The following CASK variants were observed in gnomAD, a reference collection of about 807,000 sequenced individuals.
The protein encoded by CASK is calcium/calmodulin dependent serine protein kinase.
In CASK, 4 loss-of-function variants were observed where a neutral mutation model predicts 82.9. The ratio of observed to expected loss-of-function variants is 0.05; its 90% CI spans 0.02 to 0.11. The LOEUF (loss-of-function observed/expected upper bound fraction) is 0.11. Ranked by LOEUF, CASK falls within the 10% of genes least tolerant of loss-of-function variation. The pLI is 1.00. For missense variants in CASK, 358 were observed against 720.9 expected (o/e 0.50, Z 5.76); for synonymous variants, 259 against 253.5 (o/e 1.02, Z -0.20).
intron 12 of CASK, among the ~76,000 whole-genome samples, chrX:41,600,773 G>A (rs776188404): frequency 1.8e-5 from 2 of 111,966 alleles, no homozygotes; most frequent in Admixed American, 9.5e-5. Flanking sequence ...GAGATGGAAC[G>A]AGGCAGAATT....
At chrX:41,815,701 G>C (rs2070398152) in intron 2 of CASK, among the ~76,000 whole-genome samples, 1 of 110,583 alleles carries the variant, frequency 9.0e-6, no homozygotes, top group African/African-American at 3.3e-5. Flanking sequence ...AAATGGAGAA[G>C]AAAAATACCC....
chrX:41,831,961 A>AAAATAAATAAAT (rs940940099), intron 2 of CASK, among the ~76,000 whole-genome samples: 1 of 110,435 alleles, frequency 9.1e-6, no homozygotes, highest in African/African-American at 3.3e-5. Context: ...ACTCCGTCTC[A>AAAATAAATAAAT]AAATAAATAA....
chrX:41,624,677 C>A (rs1400155781), intron 10 of CASK, among the ~76,000 whole-genome samples: 2 of 111,696 alleles, frequency 1.8e-5, no homozygotes, highest in African/African-American at 3.3e-5. Flanking sequence ...CAAGCACATA[C>A]TAATTGGTAA....
At chrX:41,843,654 G>A (rs947474142) in intron 2 of CASK, among the ~76,000 whole-genome samples, 10 of 111,150 alleles carry the variant, frequency 9.0e-5, no homozygotes, top group Non-Finnish European at 1.5e-4. Flanking sequence ...TAATCACTTC[G>A]AAAAGAAATC....
At chrX:41,848,140 A>C (rs748750677) in intron 2 of CASK, among the ~76,000 whole-genome samples, 30 of 112,650 alleles carry the variant, frequency 2.7e-4, no homozygotes, top group African/African-American at 8.7e-4. Flanking sequence ...ATGAAATTAA[A>C]CAACTACCTC....
chrX:41,765,729 ATAAC>A (rs1199444809), intron 3 of CASK, among the ~76,000 whole-genome samples: 6 of 112,198 alleles, frequency 5.3e-5, no homozygotes, highest in Middle Eastern at 4.6e-3. Context: ...GAAAAATAAA[ATAAC>A]TAATTTTTAA....
At chrX:41,834,995 C>A (rs747862674) in intron 2 of CASK, among the ~76,000 whole-genome samples, 1 of 111,571 alleles carries the variant, frequency 9.0e-6, no homozygotes, top group South Asian at 3.7e-4. Flanking sequence ...CTACTGTAGC[C>A]CATATATCAA....
At chrX:41,748,017 C>A (rs892530537) in intron 3 of CASK, among the ~76,000 whole-genome samples, 1 of 111,961 alleles carries the variant, frequency 8.9e-6, no homozygotes, top group Non-Finnish European at 1.9e-5. Flanking sequence ...GTTAGTTGAT[C>A]TATGAGGACT....
intron 21 of CASK, among the ~76,000 whole-genome samples, chrX:41,547,698 C>T (rs2065042499): frequency 9.2e-6 from 1 of 109,137 alleles, no homozygotes; most frequent in South Asian, 4.0e-4. Context: ...TCTTGGCTCA[C>T]TGCAAGCTCC....
At chrX:41,886,667 G>T (rs1270722411) in intron 1 of CASK, among the ~76,000 whole-genome samples, 2 of 111,750 alleles carry the variant, frequency 1.8e-5, no homozygotes, top group Non-Finnish European at 3.8e-5. Flanking sequence ...AAGAACTCTT[G>T]TTAGGAAATT....
At position 41,717,003 on chromosome X, in the gene CASK, C is replaced by T. The variant is rs762607334; in HGVS notation, c.429+22381G>A. On this transcript the variant is annotated intron_variant, in intron 5 of 26. Transcript: ENST00000378163. ...GTCTATAGTCCACAGCTGTTTCTTG[C>T]TCGTTGCCCTTAGTCACTCACTCTG... Among the ~76,000 whole-genome samples the T allele has an allele frequency of 2.1e-4, 23 of 110,878 alleles. No individual in the cohort carries two copies. The South Asian group carries it at 8.9e-3, about 43-fold the overall frequency.
At chrX:41,824,865 T>C (rs1337986869) in intron 2 of CASK, among the ~76,000 whole-genome samples, 1 of 111,882 alleles carries the variant, frequency 8.9e-6, no homozygotes, top group Non-Finnish European at 1.9e-5. Flanking sequence ...TCTCAGCCGT[T>C]GGAATAGCAG....
intron 8 of CASK, among the ~76,000 whole-genome samples, chrX:41,645,871 A>G (rs1233921400): frequency 9.0e-6 from 1 of 111,101 alleles, no homozygotes; most frequent in Non-Finnish European, 1.9e-5. Flanking sequence ...TATTCTTATT[A>G]GGCTTATGTG....
intron 3 of CASK, among the ~76,000 whole-genome samples, chrX:41,783,863 A>G (rs1254591023): frequency 8.9e-6 from 1 of 112,041 alleles, no homozygotes; most frequent in Non-Finnish European, 1.9e-5. Context: ...AACTGTGGAC[A>G]TTGATTATGT....
At chrX:41,615,745 G>A (rs1290396821) in intron 11 of CASK, among the ~76,000 whole-genome samples, 1 of 109,302 alleles carries the variant, frequency 9.1e-6, no homozygotes, top group African/African-American at 3.3e-5. Context: ...CGATTCTCGT[G>A]CCTCAGCCAC....
intron 1 of CASK, among the ~76,000 whole-genome samples, chrX:41,854,219 C>CGCGCGCGCGCGG (rs1569469361): frequency 1.7e-5 from 1 of 59,444 alleles, no homozygotes; most frequent in East Asian, 8.1e-4. Context: ...CGCGCGCGGG[C>CGCGCGCGCGCGG]GCGCGCACAC....
rs2064547010 is a variant in CASK, at chrX:41,516,212, T to C, written c.*4208A>G. ...CATGGTGGTGAATATCCTCTTTTTT[T>C]CCCTTTTCCCCCACTTCCTGGATGT... On this transcript the variant is annotated 3_prime_UTR_variant, in exon 27 of 27. Coordinates refer to ENST00000378163, the MANE Select transcript of CASK (RefSeq NM_001367721.1). The C allele has an allele frequency of 8.9e-6, 1 of 112,385 alleles. No individual in the cohort carries two copies. Among genetic ancestry groups the C allele is most frequent in the Non-Finnish European group, 1.9e-5 (1 of 53,291 alleles). The allele number at this position is 112,385 out of a possible 1,213,427, so 9.3% of individuals were successfully genotyped here.
At chrX:41,589,748 T>A in intron 12 of CASK, 156 bp from the exon 13 acceptor site, 2 of 457,411 alleles carry the variant, frequency 4.4e-6, no homozygotes, top group Non-Finnish European at 7.7e-6. Flanking sequence ...TGAATTGTTC[T>A]GTGAAACTTG....
intron 1 of CASK, among the ~76,000 whole-genome samples, chrX:41,882,819 T>C (rs2071976474): frequency 9.0e-6 from 1 of 111,704 alleles, no homozygotes; most frequent in Non-Finnish European, 1.9e-5. Flanking sequence ...TGAACTCCTT[T>C]CTTGGCAATT....
Sources: gnomAD v4.1 joint callset for allele counts (sites outside exome capture counted in the v4.1 genomes callset) on GRCh38, gnomAD v4.1.1 for gene constraint, MANE v1.5 for transcripts, NCBI Gene and HGNC (gene_info 2026-07-23, HGNC 2026-07-21) for gene names.